Variants in CPNE8 observed in about 807,000 individuals in gnomAD.
The protein encoded by CPNE8 is copine 8.
CPNE8 carries 45 observed loss-of-function variants against 81.5 expected under a neutral mutation model. The observed-to-expected ratio is 0.55, with a 90% confidence interval of 0.44 to 0.71. The LOEUF is 0.71. Among genes scored for constraint, CPNE8 ranks in the 30% least tolerant of loss-of-function variants. The probability of loss-of-function intolerance (pLI) is 0.00; values close to 1 mark genes in which losing one functional copy is unlikely to be tolerated. For synonymous variants in CPNE8, 252 were observed against 226.3 expected, an observed-to-expected ratio of 1.11 and a Z score of -1.02; for missense variants, 594 against 672.1, an observed-to-expected ratio of 0.88 and a Z score of 1.28.
chr12:38,807,581 C>G (rs866762007), intron 6 of CPNE8, among the ~76,000 whole-genome samples: 1 of 151,028 alleles, frequency 6.6e-6, no homozygotes, highest in African/African-American at 2.4e-5. Flanking sequence ...CCCTTCCTTA[C>G]ACCTTATACA....
intron 6 of CPNE8, among the ~76,000 whole-genome samples, chr12:38,806,802 G>T (rs1205394040): frequency 1.3e-5 from 2 of 149,190 alleles, no homozygotes; most frequent in African/African-American, 4.9e-5. Context: ...AGGAAAAGAG[G>T]AAGTCAAATT....
intron 19 of CPNE8, among the ~76,000 whole-genome samples, chr12:38,667,622 C>T (rs576478871): frequency 1.3e-5 from 2 of 152,244 alleles, no homozygotes; most frequent in South Asian, 4.2e-4. Flanking sequence ...CTACTAATTT[C>T]CTAGGGACAT....
intron 6 of CPNE8, among the ~76,000 whole-genome samples, chr12:38,819,766 CAA>C (rs71068584): frequency 5.4e-4 from 35 of 65,294 alleles, no homozygotes; most frequent in South Asian, 5.1e-3. Context: ...GACTCCGTCT[CAA>C]AAAAAAAAAA....
At chr12:38,878,348 G>A (rs756879322) in intron 1 of CPNE8, among the ~76,000 whole-genome samples, 1 of 152,122 alleles carries the variant, frequency 6.6e-6, no homozygotes, top group Non-Finnish European at 1.5e-5. Flanking sequence ...TAACTGGAGA[G>A]GTGTATTTTG....
intron 10 of CPNE8, among the ~76,000 whole-genome samples, chr12:38,754,969 A>C (rs1351382419): frequency 6.6e-6 from 1 of 152,192 alleles, no homozygotes. Context: ...AAATACGAAA[A>C]ATATAAAAGG....
In CPNE8 at chr12:38,735,754, C is replaced by G. The variant is rs1004732200; in HGVS notation, c.723-5396G>C. ...CAGTATTCCTAGATTATGAGCCAAT[C>G]TCTGTCTAAATCTGCAGAACTAGCA... On this transcript the variant is annotated intron_variant, in intron 10 of 19. Coordinates refer to ENST00000331366, the MANE Select transcript of CPNE8 (RefSeq NM_153634.3). Among the ~76,000 whole-genome samples the G allele has an allele frequency of 3.3e-5, 5 of 152,012 alleles. No homozygotes were observed. In the East Asian group the frequency reaches 9.7e-4, roughly 29 times the overall value.
At chr12:38,772,969 T>C (rs1271598006) in intron 7 of CPNE8, among the ~76,000 whole-genome samples, 1 of 151,924 alleles carries the variant, frequency 6.6e-6, no homozygotes. Flanking sequence ...CAATGGAATA[T>C]TATTCAGCCT....
chr12:38,862,487 C>T (rs1253711528), intron 3 of CPNE8, among the ~76,000 whole-genome samples: 7 of 152,118 alleles, frequency 4.6e-5, no homozygotes, highest in Admixed American at 4.6e-4. Context: ...TCTGTACGCC[C>T]GACATAGCTT....
chr12:38,729,400 C>A (rs1455784070), intron 11 of CPNE8, among the ~76,000 whole-genome samples: 1 of 151,778 alleles, frequency 6.6e-6, no homozygotes, highest in Non-Finnish European at 1.5e-5. Context: ...GAGCACATAT[C>A]TATCTACACA....
chr12:38,853,722 T>C (rs1244736986), intron 3 of CPNE8, among the ~76,000 whole-genome samples: 1 of 152,124 alleles, frequency 6.6e-6, no homozygotes, highest in Non-Finnish European at 1.5e-5. Context: ...AATAGCTACT[T>C]TTCCAATTTA....
chr12:38,732,917 A>G (rs1036340025), intron 10 of CPNE8, among the ~76,000 whole-genome samples: 3 of 152,022 alleles, frequency 2.0e-5, no homozygotes, highest in Non-Finnish European at 2.9e-5. Context: ...TGTAAATGCA[A>G]TGCTATCCAT....
At chr12:38,657,760 G>C (rs943331175) in intron 19 of CPNE8, among the ~76,000 whole-genome samples, 1 of 152,134 alleles carries the variant, frequency 6.6e-6, no homozygotes, top group African/African-American at 2.4e-5. Flanking sequence ...AGGAAAACAG[G>C]GTCTGGAGTG....
chr12:38,828,372 A>G (rs2137020065), intron 6 of CPNE8, among the ~76,000 whole-genome samples: 1 of 152,328 alleles, frequency 6.6e-6, no homozygotes, highest in South Asian at 2.1e-4. Flanking sequence ...GGGAGCTGAT[A>G]TATGAAAGTT....
upstream of CPNE8, chr12:38,905,786 C>A (rs78053020): frequency 5.0e-3 from 4,955 of 985,328 alleles, 180 homozygotes; most frequent in African/African-American, 0.081. Flanking sequence ...GTTTCCCAGC[C>A]CCCTTCCGGC....
chr12:38,800,074 T>A (rs2136956088), intron 6 of CPNE8, among the ~76,000 whole-genome samples: 1 of 128,202 alleles, frequency 7.8e-6, no homozygotes, highest in Middle Eastern at 4.0e-3. Context: ...GCAACGAGGC[T>A]GGGGGAGGGG....
chr12:38,677,856 G>A (rs911727693), intron 16 of CPNE8, among the ~76,000 whole-genome samples: 14 of 151,648 alleles, frequency 9.2e-5, no homozygotes, highest in Admixed American at 4.6e-4. Flanking sequence ...TTTTGGAAAT[G>A]GACTTATCCT....
At chr12:38,755,625 A>C (rs1193719428) in intron 10 of CPNE8, among the ~76,000 whole-genome samples, 1 of 152,234 alleles carries the variant, frequency 6.6e-6, no homozygotes, top group Non-Finnish European at 1.5e-5. Context: ...TGAGAAGTAT[A>C]GGAATGATTT....
chr12:38,886,885 G>A (rs953249814), intron 1 of CPNE8, among the ~76,000 whole-genome samples: 4 of 152,278 alleles, frequency 2.6e-5, no homozygotes, highest in African/African-American at 9.6e-5. Flanking sequence ...GGCCCACACA[G>A]TCTGGAGCCT....
At chr12:38,717,862 C>T (rs1173312423) in intron 13 of CPNE8, among the ~76,000 whole-genome samples, 1 of 151,904 alleles carries the variant, frequency 6.6e-6, no homozygotes, top group African/African-American at 2.4e-5. Context: ...ATTGATGATG[C>T]CACCTTAAGC....
Sources: allele counts gnomAD v4.1 joint callset (sites outside exome capture counted in the v4.1 genomes callset), GRCh38; gene constraint gnomAD v4.1.1; transcripts MANE v1.5; gene names NCBI Gene and HGNC (gene_info 2026-07-23, HGNC 2026-07-21).